Variants in CLPB observed in about 807,000 individuals in gnomAD.
The protein encoded by CLPB is ClpB family mitochondrial disaggregase.
CLPB carries 40 observed loss-of-function variants against 78.4 expected under a neutral mutation model. That is an observed-to-expected ratio of 0.51 (90% CI 0.40 to 0.66). CLPB has a LOEUF of 0.66. CLPB is among the 30% of genes least tolerant of loss of function. The probability of loss-of-function intolerance (pLI) is 0.00; values close to 1 mark genes in which losing one functional copy is unlikely to be tolerated. For synonymous variants in CLPB, 333 were observed against 348.0 expected, an observed-to-expected ratio of 0.96 and a Z score of 0.48; for missense variants, 780 against 886.9, an observed-to-expected ratio of 0.88 and a Z score of 1.53.
intron 2 of CLPB, chr11:72,410,860 GC>G (rs1415548457): frequency 6.6e-6 from 1 of 152,182 alleles, no homozygotes; most frequent in Non-Finnish European, 1.5e-5. Flanking sequence ...AAGCAGTCAA[GC>G]TTTCTCTTTC....
chr11:72,300,795 C>T (rs1052364811), intron 11 of CLPB, among the ~76,000 whole-genome samples: 39 of 152,140 alleles, frequency 2.6e-4, no homozygotes, highest in African/African-American at 9.4e-4. Context: ...CTAATATAGC[C>T]CCTGCATGAG....
At chr11:72,322,311 T>TAG (rs1950058256) in intron 6 of CLPB, among the ~76,000 whole-genome samples, 1 of 151,772 alleles carries the variant, frequency 6.6e-6, no homozygotes, top group Non-Finnish European at 1.5e-5. Flanking sequence ...CCTCTGCAAA[T>TAG]AGCTAGGTGG....
At chr11:72,417,758 GA>G in intron 2 of CLPB, among the ~76,000 whole-genome samples, 1 of 152,148 alleles carries the variant, frequency 6.6e-6, no homozygotes, top group Non-Finnish European at 1.5e-5. Context: ...TACTGGAAAG[GA>G]AATGAGGCTG....
At chr11:72,426,219 T>C (rs953791237) in intron 2 of CLPB, among the ~76,000 whole-genome samples, 7 of 152,034 alleles carry the variant, frequency 4.6e-5, no homozygotes, top group African/African-American at 1.7e-4. Context: ...GGGAGATGGG[T>C]AGGGGTGTTG....
At chr11:72,310,057 T>C (rs982986884) in intron 7 of CLPB, among the ~76,000 whole-genome samples, 3 of 151,996 alleles carry the variant, frequency 2.0e-5, no homozygotes, top group African/African-American at 7.3e-5. Flanking sequence ...GAGGCAAAGG[T>C]GGCCAGCATG....
chr11:72,398,011 C>G (rs1002474943), intron 3 of CLPB, among the ~76,000 whole-genome samples: 1 of 152,206 alleles, frequency 6.6e-6, no homozygotes, highest in Non-Finnish European at 1.5e-5. Flanking sequence ...TTAAGGAAAG[C>G]TACATCTGGA....
chr11:72,391,152 C>G (rs1396835047), intron 3 of CLPB, among the ~76,000 whole-genome samples: 1 of 152,102 alleles, frequency 6.6e-6, no homozygotes, highest in Non-Finnish European at 1.5e-5. Context: ...CCTATATGAT[C>G]TAGTAGTCTT....
At position 72,430,525 on chromosome 11, in the gene CLPB, A is replaced by G. The variant is rs1856514687; in HGVS notation, c.404-162T>C. On this transcript the variant is annotated intron_variant, in intron 1 of 15. Coordinates refer to ENST00000538039, the MANE Select transcript of CLPB (RefSeq NM_001258392.3). Reference sequence around the variant, plus strand: ...ATGAGAAACGAATCATTCCCTCCCCACATGGTGTCCACTGTTAACAACCTG... The same window carrying G: ...ATGAGAAACGAATCATTCCCTCCCCGCATGGTGTCCACTGTTAACAACCTG... 3 of 611,398 alleles carry G rather than the reference A, an allele frequency of 4.9e-6. No individual in the cohort carries two copies. The African/African-American group carries it at 5.6e-5, about 11-fold the overall frequency. The allele number at this position is 611,398 out of a possible 1,614,324, so 37.9% of individuals were successfully genotyped here.
chr11:72,402,203 C>T lies in CLPB; in HGVS notation c.542+763G>A, dbSNP rs1038146299. ...TGAACCCAGGAGGCTGGGGCTGCAG[C>T]GAGCCATAGATCGTACCACTGCACT... On this transcript the variant is annotated intron_variant, in intron 3 of 15. Coordinates refer to ENST00000538039, the MANE Select transcript of CLPB (RefSeq NM_001258392.3). 6.6e-5 allele frequency among the ~76,000 whole-genome samples: 10 copies of T among 152,152 alleles called. No homozygotes were observed. In the East Asian group the frequency reaches 7.7e-4, roughly 12 times the overall value.
At chr11:72,355,561 G>A (rs570822274) in intron 5 of CLPB, among the ~76,000 whole-genome samples, 3 of 152,346 alleles carry the variant, frequency 2.0e-5, no homozygotes, top group African/African-American at 7.2e-5. Context: ...TGTTATTTTA[G>A]ATGTACGAAA....
At chr11:72,376,251 T>C (rs1854694899) in intron 4 of CLPB, among the ~76,000 whole-genome samples, 1 of 152,186 alleles carries the variant, frequency 6.6e-6, no homozygotes, top group Non-Finnish European at 1.5e-5. Flanking sequence ...ATTTCATCCA[T>C]GAGAATGAGT....
chr11:72,354,683 G>T, intron 5 of CLPB: 1 of 238,598 alleles, frequency 4.2e-6, no homozygotes. Context: ...GGCAAAAGCA[G>T]CATCTTCCAA....
intron 9 of CLPB, among the ~76,000 whole-genome samples, chr11:72,304,546 A>G (rs1441358673): frequency 2.0e-5 from 3 of 152,258 alleles, no homozygotes. Flanking sequence ...CCCAAGGCTT[A>G]TTAGCTCTAG....
intron 2 of CLPB, among the ~76,000 whole-genome samples, chr11:72,405,657 G>A (rs188999374): frequency 8.4e-4 from 128 of 152,232 alleles, no homozygotes; most frequent in Admixed American, 2.0e-3. Flanking sequence ...GGCCGGGCAC[G>A]GTGGCTCACA....
intron 2 of CLPB, among the ~76,000 whole-genome samples, chr11:72,409,839 T>C (rs1855823260): frequency 6.6e-6 from 1 of 151,798 alleles, no homozygotes; most frequent in Admixed American, 6.6e-5. Context: ...TAGCTGGGCG[T>C]GGTGGCGCAC....
At chr11:72,363,414 G>A (rs1471863077) in intron 4 of CLPB, 2 of 152,104 alleles carry the variant, frequency 1.3e-5, no homozygotes, top group South Asian at 2.1e-4. Flanking sequence ...AGTCCCTCTC[G>A]GCCTCTACTG....
At chr11:72,374,163 C>CA (rs1951097340) in intron 4 of CLPB, among the ~76,000 whole-genome samples, 1 of 152,084 alleles carries the variant, frequency 6.6e-6, no homozygotes, top group Non-Finnish European at 1.5e-5. Flanking sequence ...CTCAATACCT[C>CA]CTAGGCAGGC....
At chr11:72,308,390 G>A in intron 8 of CLPB, 137 bp downstream of exon 8, 1 of 685,400 alleles carries the variant, frequency 1.5e-6, no homozygotes, top group South Asian at 1.6e-5. Context: ...CTGTAATCTG[G>A]AGGCCGTTGC....
At chr11:72,433,950 G>T in intron 1 of CLPB, 122 bp downstream of exon 1, 1 of 1,218,058 alleles carries the variant, frequency 8.2e-7, no homozygotes, top group Non-Finnish European at 1.1e-6. Flanking sequence ...GATGATGTCT[G>T]AGTCCCTCCA....
Sources: gnomAD v4.1 joint callset for allele counts (sites outside exome capture counted in the v4.1 genomes callset) on GRCh38, gnomAD v4.1.1 for gene constraint, MANE v1.5 for transcripts, NCBI Gene and HGNC (gene_info 2026-07-23, HGNC 2026-07-21) for gene names.